Variants in ABCG4 observed in about 807,000 individuals in gnomAD.
ABCG4 encodes the protein ATP-binding cassette sub-family G member 4.
A neutral mutation model predicts 64.6 loss-of-function variants in ABCG4; 35 were observed. That is an observed-to-expected ratio of 0.54 (90% CI 0.41 to 0.72). The LOEUF (loss-of-function observed/expected upper bound fraction) is 0.72. Ranked by LOEUF, ABCG4 falls within the 30% of genes least tolerant of loss-of-function variation. The pLI, the probability that ABCG4 is intolerant of heterozygous loss-of-function variation, is 0.00. For missense variants in ABCG4, 610 were observed against 846.3 expected, an observed-to-expected ratio of 0.72 and a Z score of 3.46; for synonymous variants, 326 against 348.2, an observed-to-expected ratio of 0.94 and a Z score of 0.71.
chr11:119,158,166 C>G lies in ABCG4; in HGVS notation c.1069-68C>G. ...GAAGAGCTCTGAGGTTTTTCATTCA[C>G]TGAGCTGGGTGTTCTGTGGGTGAAT... On this transcript the variant is annotated intron_variant, in intron 9 of 14. Transcript: ENST00000619701. This position sits in a 1 kb window ranked among gnomAD's most constrained non-coding sequence, Gnocchi z 4.5. 2.3e-6 allele frequency: 3 copies of G among 1,326,020 alleles called. No individual in the cohort carries two copies. The highest frequency in any genetic ancestry group is 3.1e-6 in the Non-Finnish European group (3 of 962,070). The allele number at this position is 1,326,020 out of a possible 1,614,324, so 82.1% of individuals were successfully genotyped here.
At chr11:119,153,902 C>G in intron 2 of ABCG4, 124 bp from the exon 3 acceptor site, 1 of 825,124 alleles carries the variant, frequency 1.2e-6, no homozygotes, top group South Asian at 1.5e-5. Context: ...GTTCCTCCAT[C>G]CTAACCCAAT....
In ABCG4 at chr11:119,158,682, G is replaced by T; in HGVS notation, c.1293G>T (p.Met431Ile). 1 of 1,614,094 alleles carries T rather than the reference G, an allele frequency of 6.2e-7. No individual in the cohort carries two copies. ...ACACCGGCTGCCTCTTCTTCTCCAT[G>T]CTGTTCCTCATGTTCGCCGCCCTCA... ...FNNTGCLFFS[M>I]LFLMFAALMP... The change falls in exon 11 of 15, where the codon ATG becomes ATT. Residue 431 changes from methionine to isoleucine, a missense_variant. Met to Ile is a conservative substitution (Grantham distance 10). Transcript: ENST00000619701. This position sits in a 1 kb window ranked among gnomAD's most constrained non-coding sequence, Gnocchi z 4.5.
Position 119,154,866 on chromosome 11 carries a change from C to T in ABCG4, c.637C>T (p.Leu213=). ...GGQRKRLAIA[L]ELVNNPPVMF... is the part of the protein sequence containing the mutation. ...GCAGAGGAAGCGTCTGGCCATCGCC[C>T]TGGAGCTGGTCAACAACCCGCCTGT... Residue 213 remains leucine (L), a synonymous_variant, in exon 6 of 15, where the codon CTG becomes TTG. Transcript: ENST00000619701. This position sits in a 1 kb window ranked among gnomAD's most constrained non-coding sequence, Gnocchi z 7.0. 1 of 1,613,970 alleles carries T rather than the reference C, an allele frequency of 6.2e-7. No individual in the cohort carries two copies.
In ABCG4 at chr11:119,150,183, G is replaced by C. The variant is rs759152966; in HGVS notation, c.218G>C (p.Gly73Ala). ...FVELSYSVREGPCWRKRGYKT... is the reference protein window; with the variant it reads ...FVELSYSVREAPCWRKRGYKT... ...GAGCTGTCCTATTCCGTGCGGGAGG[G>C]GCCCTGCTGGCGCAAAAGGGGTAGG... Residue 73 changes from glycine (G) to alanine (A), a missense_variant, in exon 2 of 15, where the codon GGG (glycine) becomes GCG (alanine). Coordinates refer to ENST00000619701, the MANE Select transcript of ABCG4 (RefSeq NM_022169.5). This position sits in a 1 kb window ranked among gnomAD's most constrained non-coding sequence, Gnocchi z 4.3. 1 of 1,613,884 alleles carries C rather than the reference G, an allele frequency of 6.2e-7. No individual in the cohort carries two copies. Among genetic ancestry groups the C allele is most frequent in the Non-Finnish European group, 8.5e-7 (1 of 1,179,800 alleles).
In ABCG4 at chr11:119,158,977, C is replaced by T. The variant is rs781323607; in HGVS notation, c.1437+48C>T. 1 of 1,564,850 alleles carries T rather than the reference C, an allele frequency of 6.4e-7. No individual in the cohort carries two copies. Among genetic ancestry groups the T allele is most frequent in the Non-Finnish European group, 8.8e-7 (1 of 1,136,298 alleles). On this transcript the variant is annotated intron_variant, in intron 12 of 14. Coordinates refer to ENST00000619701, the MANE Select transcript of ABCG4 (RefSeq NM_022169.5). The surrounding 1 kb of genome is among the most constrained non-coding windows in gnomAD (Gnocchi z 4.5). ...CCCACTGCCTCCATCTTGTCTTGCT[C>T]CTTCTATCCTTGCTTTCTTGCCTCC...
Position 119,158,228 on chromosome 11 carries a change from T to A in ABCG4, c.1069-6T>A. On this transcript the variant is annotated splice_region_variant and splice_polypyrimidine_tract_variant and intron_variant, in intron 9 of 14. Transcript: ENST00000619701. The surrounding 1 kb of genome is among the most constrained non-coding windows in gnomAD (Gnocchi z 4.5). ...ACCTGATCCCGATCCAATTTCTTCT[T>A]CCCAGGAAGTGGATCCCATTGAAAG... is the stretch of plus-strand genomic sequence containing the variant. 1 of 1,576,134 alleles carries A rather than the reference T, an allele frequency of 6.3e-7. No individual in the cohort carries two copies. The highest frequency in any genetic ancestry group is 1.2e-5 in the South Asian group (1 of 86,476).
rs758910432 is a variant in ABCG4 at position 119,160,689 on chromosome 11, C to T, written c.1715+33C>T. The stretch of plus-strand genomic sequence containing the variant: ...CCCCTGCCCTCCTCGTTGGCCTCTG[C>T]TCCTCCCTGGAGGAGTCCATACCCA... On this transcript the variant is annotated intron_variant, in intron 14 of 14. Coordinates refer to ENST00000619701, the MANE Select transcript of ABCG4 (RefSeq NM_022169.5). This position sits in a 1 kb window ranked among gnomAD's most constrained non-coding sequence, Gnocchi z 4.6. 10 of 1,592,936 alleles carry T rather than the reference C, an allele frequency of 6.3e-6. No individual in the cohort carries two copies. The South Asian group carries it at 8.8e-5, about 14-fold the overall frequency.
chr11:119,161,273 G>T lies in ABCG4; in HGVS notation c.*167G>T. 1 of 633,184 alleles carries T rather than the reference G, an allele frequency of 1.6e-6. No homozygotes were observed. The highest frequency in any genetic ancestry group is 2.0e-5 in the South Asian group (1 of 50,224). The allele number at this position is 633,184 out of a possible 1,614,324, so 39.2% of individuals were successfully genotyped here. ...CTGTCGGACTGCGCTCCCAGCCTGG[G>T]CTCTGGGAGTGGGGGCTCCAGCCCT... is the stretch of plus-strand genomic sequence containing the variant. On this transcript the variant is annotated 3_prime_UTR_variant, in exon 15 of 15. Coordinates refer to ENST00000619701, the MANE Select transcript of ABCG4 (RefSeq NM_022169.5).
At position 119,155,246 on chromosome 11, in the gene ABCG4, G is replaced by A. The variant is rs1347552472; in HGVS notation, c.686+331G>A. On this transcript the variant is annotated intron_variant, in intron 6 of 14. Transcript: ENST00000619701. This position sits in a 1 kb window ranked among gnomAD's most constrained non-coding sequence, Gnocchi z 4.5. ...ATCTCTAATGTTGATGTTAAGTTCAGGACAGCAACAGATTCTTATCTGCTT... is the reference window on the plus strand; with the variant it reads ...ATCTCTAATGTTGATGTTAAGTTCAAGACAGCAACAGATTCTTATCTGCTT... Among the ~76,000 whole-genome samples the A allele has an allele frequency of 6.6e-6, 1 of 152,142 alleles. No homozygotes were observed. The highest frequency in any genetic ancestry group is 1.5e-5 in the Non-Finnish European group (1 of 68,026).
rs1948260075 is a variant in ABCG4, at chr11:119,156,087, C to T, written c.687-242C>T. 3.8e-6 allele frequency: 2 copies of T among 526,574 alleles called. No homozygotes were observed. The highest frequency in any genetic ancestry group is 2.2e-5 in the South Asian group (1 of 45,324). The allele number at this position is 526,574 out of a possible 1,614,324, so 32.6% of individuals were successfully genotyped here. On this transcript the variant is annotated intron_variant, in intron 6 of 14. Transcript: ENST00000619701. The surrounding 1 kb of genome is among the most constrained non-coding windows in gnomAD (Gnocchi z 5.5). ...GACCAGAGTCTATGTCTTATTTATGCATCATTGTAATCCCAGTGCCTGGCA... is the reference window on the plus strand; with the variant it reads ...GACCAGAGTCTATGTCTTATTTATGTATCATTGTAATCCCAGTGCCTGGCA...
At chr11:119,157,656 A>G (rs1319528880) in intron 9 of ABCG4, among the ~76,000 whole-genome samples, 4 of 135,550 alleles carry the variant, frequency 3.0e-5, no homozygotes, top group Non-Finnish European at 6.3e-5. Context: ...CGGGTGGGTC[A>G]GGAGATGGAG....
chr11:119,160,232 G>A lies in ABCG4; in HGVS notation c.1443G>A (p.Val481=), dbSNP rs776037680. 4 of 1,607,318 alleles carry A rather than the reference G, an allele frequency of 2.5e-6. No individual in the cohort carries two copies. The highest frequency in any genetic ancestry group is 1.7e-6 in the Non-Finnish European group (2 of 1,174,874). Residue 481 remains valine (V), a synonymous_variant, in exon 13 of 15, where the codon GTG becomes GTA. Transcript: ENST00000619701. This position sits in a 1 kb window ranked among gnomAD's most constrained non-coding sequence, Gnocchi z 4.6. ...KTMADVPFQV[V]CPVVYCSIVY... ...AGCCCGTGCCCACTCCCCAGGTGGT[G>A]TGTCCGGTGGTCTACTGCAGCATTG... is the stretch of plus-strand genomic sequence containing the variant.
In ABCG4 at chr11:119,149,747, G is replaced by T. The variant is rs529567998; in HGVS notation, c.-12-207G>T. ...AGCGATTGAGGGCTTCAAGGGGACG[G>T]GCTGGGGTCAGGCTGGAGCTGGGCT... On this transcript the variant is annotated intron_variant, in intron 1 of 14. Transcript: ENST00000619701. The surrounding 1 kb of genome is among the most constrained non-coding windows in gnomAD (Gnocchi z 8.3). 2.4e-4 allele frequency: 179 copies of T among 735,844 alleles called. 1 individual carries two copies. The Admixed American group carries it at 5.2e-3, about 21-fold the overall frequency. The allele number at this position is 735,844 out of a possible 1,614,324, so 45.6% of individuals were successfully genotyped here.
At position 119,154,525 on chromosome 11, in the gene ABCG4, G is replaced by T. The variant is rs1302538581; in HGVS notation, c.490G>T (p.Val164Phe). 1.1e-5 allele frequency: 17 copies of T among 1,614,014 alleles called. No homozygotes were observed. Among genetic ancestry groups the T allele is most frequent in the Non-Finnish European group, 1.4e-5 (17 of 1,180,014 alleles). The change falls in exon 5 of 15, where the codon GTC becomes TTC. Residue 164 changes from valine (V) to phenylalanine (F), a missense_variant and splice_region_variant. Val to Phe is a conservative substitution (Grantham distance 50). Coordinates refer to ENST00000619701, the MANE Select transcript of ABCG4 (RefSeq NM_022169.5). The surrounding 1 kb of genome is among the most constrained non-coding windows in gnomAD (Gnocchi z 7.0). ...TTCTTGCTTACTCTCTGGGCCCCAG[G>T]TCTCTGCTAACCTGAAGCTGAGTGA... ...PHLTVLEAMM[V>F]SANLKLSEKQ... is the part of the protein sequence containing the mutation.
Position 119,161,022 on chromosome 11 carries a change from C to A in ABCG4, c.1857C>A (p.Asp619Glu). ...LDVEDAKLYMDFLVLGIFFLA... is the reference protein window; with the variant it reads ...LDVEDAKLYMEFLVLGIFFLA... ...TGGAGGATGCCAAGCTCTACATGGA[C>A]TTCCTGGTCTTGGGCATCTTCTTCC... The change falls in exon 15 of 15, where the codon GAC becomes GAA. Residue 619 changes from aspartate (D) to glutamate (E), a missense_variant. Asp to Glu is a conservative substitution (Grantham distance 45). Transcript: ENST00000619701. The A allele has an allele frequency of 6.2e-7, 1 of 1,614,096 alleles. No individual in the cohort carries two copies. Among genetic ancestry groups the A allele is most frequent in the Non-Finnish European group, 8.5e-7 (1 of 1,179,994 alleles).
chr11:119,161,421 C>A lies in ABCG4; in HGVS notation c.*315C>A, dbSNP rs1756499598. 7.4e-6 allele frequency: 2 copies of A among 271,530 alleles called. No individual in the cohort carries two copies. Among genetic ancestry groups the A allele is most frequent in the African/African-American group, 2.2e-5 (1 of 45,940 alleles). The allele number at this position is 271,530 out of a possible 1,614,324, so 16.8% of individuals were successfully genotyped here. A position where few individuals can be genotyped will look rare whatever the true frequency, so the allele number is the denominator to read the frequency against. On this transcript the variant is annotated 3_prime_UTR_variant, in exon 15 of 15. Transcript: ENST00000619701. The stretch of plus-strand genomic sequence containing the variant: ...GCCTCCTTCCTGCCCATGGCACCCT[C>A]CTCTGCTGTCTGCCTGGGAGCCCTA...
Position 119,154,575 on chromosome 11 carries a change from G to A in ABCG4, c.540G>A (p.Leu180=). Residue 180 remains leucine, a splice_region_variant and synonymous_variant, in exon 5 of 15, where the codon CTG becomes CTA. Coordinates refer to ENST00000619701, the MANE Select transcript of ABCG4 (RefSeq NM_022169.5). The surrounding 1 kb of genome is among the most constrained non-coding windows in gnomAD (Gnocchi z 7.0). ...AGAAGCAGGAGGTGAAGAAGGAGCT[G>A]GTGAGTGGGGAAGGGAGGCAGTGGG... ...LSEKQEVKKE[L]VTEILTALGL... is the part of the protein sequence containing the mutation. 6.2e-7 allele frequency: 1 copy of A among 1,613,146 alleles called. No individual in the cohort carries two copies. Among genetic ancestry groups the A allele is most frequent in the Non-Finnish European group, 8.5e-7 (1 of 1,179,694 alleles).
chr11:119,152,474 G>A (rs1233578567), intron 2 of ABCG4, among the ~76,000 whole-genome samples: 1 of 152,122 alleles, frequency 6.6e-6, no homozygotes, highest in Non-Finnish European at 1.5e-5. Flanking sequence ...CTCCACTAAG[G>A]ACACTAAGGA....
rs936927790 is a variant in ABCG4 at position 119,156,724 on chromosome 11, G to A, written c.925+46G>A. On this transcript the variant is annotated intron_variant, in intron 8 of 14. Coordinates refer to ENST00000619701, the MANE Select transcript of ABCG4 (RefSeq NM_022169.5). The surrounding 1 kb of genome is among the most constrained non-coding windows in gnomAD (Gnocchi z 5.5). ...AGGGGCTGGGAAACAGCAGTGGGCC[G>A]AACCTGGGGTCTCTGGTCTTGCACT... 6.2e-6 allele frequency: 10 copies of A among 1,604,714 alleles called. No individual in the cohort carries two copies. The highest frequency in any genetic ancestry group is 2.7e-5 in the African/African-American group (2 of 74,674).
Sources: gnomAD v4.1 joint callset for allele counts (sites outside exome capture counted in the v4.1 genomes callset) on GRCh38, gnomAD v4.1.1 for gene constraint, Gnocchi (gnomAD v3.1) non-coding constraint, MANE v1.5 for transcripts, NCBI Gene and HGNC (gene_info 2026-07-23, HGNC 2026-07-21) for gene names.